Variants in LGR4 observed in about 807,000 individuals in gnomAD.
LGR4 encodes the protein leucine rich repeat containing G protein-coupled receptor 4.
Under a neutral mutation model 84.8 loss-of-function variants are expected in LGR4, and 44 were observed. The ratio of observed to expected loss-of-function variants is 0.52; its 90% CI spans 0.41 to 0.67. The LOEUF is 0.67. Among genes scored for constraint, LGR4 ranks in the 30% least tolerant of loss-of-function variants. The pLI, the probability that LGR4 is intolerant of heterozygous loss-of-function variation, is 0.00. For missense variants in LGR4, 1,032 were observed against 1,131.4 expected (o/e 0.91, Z 1.26); for synonymous variants, 429 against 434.3 (o/e 0.99, Z 0.15).
At chr11:27,469,920 T>C (rs769441898) in intron 1 of LGR4, among the ~76,000 whole-genome samples, 5 of 152,182 alleles carry the variant, frequency 3.3e-5, no homozygotes, top group Admixed American at 1.3e-4. Context: ...CCTTGCTTCA[T>C]ACATTGCTTT....
At chr11:27,456,683 A>G (rs147918330) in intron 1 of LGR4, among the ~76,000 whole-genome samples, 115 of 152,348 alleles carry the variant, frequency 7.5e-4, no homozygotes, top group Non-Finnish European at 5.6e-4. Context: ...TATGACTGAT[A>G]CTTTCCAGAC....
chr11:27,386,102 AAC>A (rs1863182669), intron 4 of LGR4, among the ~76,000 whole-genome samples: 2 of 152,310 alleles, frequency 1.3e-5, no homozygotes, highest in African/African-American at 2.4e-5. Context: ...TACCAAAATT[AAC>A]AGTTATTAAG....
chr11:27,393,514 T>C (rs1220106505), intron 2 of LGR4, among the ~76,000 whole-genome samples: 1 of 146,878 alleles, frequency 6.8e-6, no homozygotes, highest in East Asian at 1.9e-4. Flanking sequence ...TTAAAATTCC[T>C]CTGTTAAAAT....
intron 2 of LGR4, among the ~76,000 whole-genome samples, chr11:27,399,399 C>G (rs984600105): frequency 6.6e-6 from 1 of 152,114 alleles, no homozygotes; most frequent in Non-Finnish European, 1.5e-5. Flanking sequence ...GATACTGCCT[C>G]CAGAGAAAGC....
intron 1 of LGR4, among the ~76,000 whole-genome samples, chr11:27,452,781 G>A (rs988174753): frequency 3.3e-5 from 5 of 150,186 alleles, no homozygotes; most frequent in Admixed American, 1.3e-4. Context: ...CCGCCACCAC[G>A]TCCGGCTAAT....
At chr11:27,431,332 T>G (rs957041419) in intron 1 of LGR4, among the ~76,000 whole-genome samples, 1 of 152,184 alleles carries the variant, frequency 6.6e-6, no homozygotes, top group African/African-American at 2.4e-5. Flanking sequence ...CACATTCACA[T>G]GTGAGAACCA....
chr11:27,462,085 G>A (rs550963558), intron 1 of LGR4, among the ~76,000 whole-genome samples: 6 of 151,846 alleles, frequency 4.0e-5, no homozygotes, highest in South Asian at 2.1e-4. Context: ...TACCCGCCTC[G>A]GCCTCCCAAA....
intron 1 of LGR4, among the ~76,000 whole-genome samples, chr11:27,425,991 A>G (rs1419352325): frequency 1.3e-5 from 2 of 152,194 alleles, no homozygotes; most frequent in African/African-American, 4.8e-5. Flanking sequence ...ATGTGTGGTC[A>G]TAGCATCTGT....
chr11:27,398,688 G>A (rs1863437529), intron 2 of LGR4, among the ~76,000 whole-genome samples: 1 of 152,102 alleles, frequency 6.6e-6, no homozygotes, highest in Admixed American at 6.5e-5. Context: ...TCCCCTTATG[G>A]AGAGGTTGAA....
intron 6 of LGR4, 175 bp downstream of exon 6, chr11:27,384,161 G>C: frequency 5.7e-6 from 3 of 526,728 alleles, no homozygotes; most frequent in Middle Eastern, 4.9e-4. Flanking sequence ...TTTAGCCATG[G>C]ACTTAGATTA....
chr11:27,382,153 A>T (rs1863107655), intron 7 of LGR4, 35 bp downstream of exon 7: 1 of 1,359,592 alleles, frequency 7.4e-7, no homozygotes, highest in South Asian at 1.2e-5. Flanking sequence ...AGTTTCAGGG[A>T]TATGAAGACA....
chr11:27,423,549 G>T (rs1863962976), intron 1 of LGR4, among the ~76,000 whole-genome samples: 1 of 152,170 alleles, frequency 6.6e-6, no homozygotes, highest in Admixed American at 6.5e-5. Context: ...TTATAACTGG[G>T]ATGATTCAAT....
chr11:27,470,843 A>G (rs982396556), intron 1 of LGR4, among the ~76,000 whole-genome samples: 23 of 152,100 alleles, frequency 1.5e-4, no homozygotes, highest in Non-Finnish European at 2.6e-4. Context: ...ATGCTCACTA[A>G]AAGTCCATCC....
At chr11:27,379,725 C>T (rs891899232) in intron 10 of LGR4, among the ~76,000 whole-genome samples, 3 of 152,132 alleles carry the variant, frequency 2.0e-5, no homozygotes, top group Non-Finnish European at 2.9e-5. Flanking sequence ...GGGAAACTGC[C>T]ACAACCAAAT....
chr11:27,431,011 G>C (rs74570269), intron 1 of LGR4, among the ~76,000 whole-genome samples: 13,565 of 151,360 alleles, frequency 0.09, 812 homozygotes, highest in African/African-American at 0.16. Flanking sequence ...CTTACCTCCT[G>C]GTTTTCTCTC....
Position 27,472,519 on chromosome 11 carries a change from C to T in LGR4, c.-217G>A. The T allele has an allele frequency of 2.6e-6, 1 of 389,876 alleles. No individual in the cohort carries two copies. Among genetic ancestry groups the T allele is most frequent in the Non-Finnish European group, 4.5e-6 (1 of 221,664 alleles). 24.2% of individuals were successfully genotyped at this position (389,876 alleles called of 1,614,324 possible). A position where few individuals can be genotyped will look rare whatever the true frequency, so the allele number is the denominator to read the frequency against. On this transcript the variant is annotated 5_prime_UTR_variant, in exon 1 of 18. Transcript: ENST00000379214. ...CCCTTCCCGCTGCTCCATGGACGCG[C>T]AGAGGCAGCCCCGCTCCTCCGGCGG...
intron 7 of LGR4, among the ~76,000 whole-genome samples, 181 bp downstream of exon 7, chr11:27,382,007 A>T (rs979114248): frequency 1.3e-5 from 2 of 152,134 alleles, no homozygotes; most frequent in African/African-American, 4.8e-5. Flanking sequence ...CTATACATCA[A>T]TCTATACTCA....
At chr11:27,389,484 T>A (rs1863242762) in intron 4 of LGR4, among the ~76,000 whole-genome samples, 1 of 152,106 alleles carries the variant, frequency 6.6e-6, no homozygotes, top group Non-Finnish European at 1.5e-5. Context: ...ACATTACCAA[T>A]AAATGTCTCG....
chr11:27,427,407 T>C (rs575888463), intron 1 of LGR4, among the ~76,000 whole-genome samples: 1 of 152,198 alleles, frequency 6.6e-6, no homozygotes, highest in African/African-American at 2.4e-5. Context: ...GACAGAGCCA[T>C]TCAGGAAACT....
Sources: allele counts gnomAD v4.1 joint callset (sites outside exome capture counted in the v4.1 genomes callset), GRCh38; gene constraint gnomAD v4.1.1; transcripts MANE v1.5; gene names NCBI Gene and HGNC (gene_info 2026-07-23, HGNC 2026-07-21).